STRBP: variants seen among roughly 807,000 people sequenced by gnomAD.
The protein encoded by STRBP is spermatid perinuclear RNA-binding protein.
STRBP carries 13 observed loss-of-function variants against 80.1 expected under a neutral mutation model. The ratio of observed to expected loss-of-function variants is 0.16; its 90% CI spans 0.11 to 0.26. STRBP has a LOEUF of 0.26. Ranked by LOEUF, STRBP falls within the 10% of genes least tolerant of loss-of-function variation. The pLI, the probability that STRBP is intolerant of heterozygous loss-of-function variation, is 1.00. For missense variants in STRBP, 485 were observed against 815.2 expected, an observed-to-expected ratio of 0.59 and a Z score of 4.93; for synonymous variants, 284 against 291.2, an observed-to-expected ratio of 0.98 and a Z score of 0.25.
chr9:123,149,852 T>G (rs1264167263), intron 11 of STRBP, among the ~76,000 whole-genome samples: 1 of 152,194 alleles, frequency 6.6e-6, no homozygotes, highest in Non-Finnish European at 1.5e-5. Flanking sequence ...CAAGAAATAT[T>G]AATTGACATT....
At chr9:123,150,726 G>C (rs1251850078) in intron 11 of STRBP, among the ~76,000 whole-genome samples, 1 of 152,102 alleles carries the variant, frequency 6.6e-6, no homozygotes, top group African/African-American at 2.4e-5. Context: ...ATGTCAACAG[G>C]CTCCCAGGTC....
At chr9:123,234,192 C>T (rs1389686402) in intron 2 of STRBP, among the ~76,000 whole-genome samples, 4 of 135,314 alleles carry the variant, frequency 3.0e-5, no homozygotes, top group Admixed American at 8.1e-5. Flanking sequence ...CAGAGCGAGA[C>T]GCCGTGTCAA....
At chr9:123,213,808 C>T (rs2039795386) in intron 2 of STRBP, 1 of 151,768 alleles carries the variant, frequency 6.6e-6, no homozygotes, top group African/African-American at 2.4e-5. Flanking sequence ...ACCTGTAGTC[C>T]CAGCTACTCA....
chr9:123,267,461 C>A (rs528487322), intron 1 of STRBP, among the ~76,000 whole-genome samples: 12 of 151,838 alleles, frequency 7.9e-5, no homozygotes, highest in African/African-American at 2.4e-4. Flanking sequence ...CTTCCCTGAG[C>A]ACCAGATACC....
chr9:123,216,117 C>T (rs757394170), intron 2 of STRBP, among the ~76,000 whole-genome samples: 1 of 152,146 alleles, frequency 6.6e-6, no homozygotes, highest in Non-Finnish European at 1.5e-5. Context: ...TAAGACAGTG[C>T]CTTCTCCCAC....
chr9:123,263,309 A>T (rs2041196387), intron 1 of STRBP, among the ~76,000 whole-genome samples: 1 of 152,080 alleles, frequency 6.6e-6, no homozygotes. Context: ...TTGAGCCCAG[A>T]AGTCCAAGAT....
At chr9:123,250,744 A>T (rs7870805) in intron 1 of STRBP, among the ~76,000 whole-genome samples, 2 of 152,086 alleles carry the variant, frequency 1.3e-5, no homozygotes, top group African/African-American at 4.8e-5. Flanking sequence ...GATTTTCAGC[A>T]AAAGGCTTTG....
chr9:123,146,569 A>G (rs1290818991), intron 13 of STRBP, among the ~76,000 whole-genome samples: 1 of 149,104 alleles, frequency 6.7e-6, no homozygotes, highest in African/African-American at 2.5e-5. Context: ...ATGATGGGAA[A>G]TAAACCAACA....
intron 1 of STRBP, among the ~76,000 whole-genome samples, chr9:123,240,096 T>C (rs1164131443): frequency 6.6e-6 from 1 of 152,266 alleles, no homozygotes; most frequent in Non-Finnish European, 1.5e-5. Context: ...GTCCTACTTA[T>C]TCTTCAAGTT....
At chr9:123,175,300 C>A (rs981098321) in intron 4 of STRBP, among the ~76,000 whole-genome samples, 2 of 152,176 alleles carry the variant, frequency 1.3e-5, no homozygotes, top group African/African-American at 4.8e-5. Context: ...AACTGAAAGT[C>A]TGACTTCAGC....
At chr9:123,203,365 A>C (rs1418285591) in intron 2 of STRBP, among the ~76,000 whole-genome samples, 1 of 151,962 alleles carries the variant, frequency 6.6e-6, no homozygotes, top group Non-Finnish European at 1.5e-5. Flanking sequence ...AAAAAAAAAA[A>C]GAATCTAAAT....
chr9:123,260,935 CAAA>C (rs1337597095), intron 1 of STRBP, among the ~76,000 whole-genome samples: 1 of 151,966 alleles, frequency 6.6e-6, no homozygotes, highest in African/African-American at 2.4e-5. Context: ...TGCTCACTTC[CAAA>C]AAAAGAAAAT....
intron 3 of STRBP, among the ~76,000 whole-genome samples, chr9:123,182,747 G>A (rs951560885): frequency 7.9e-5 from 12 of 152,180 alleles, no homozygotes; most frequent in Admixed American, 3.3e-4. Context: ...GGTGCCTCAC[G>A]CCTATAATCC....
chr9:123,218,531 G>A (rs1290317993), intron 2 of STRBP, among the ~76,000 whole-genome samples: 2 of 150,732 alleles, frequency 1.3e-5, no homozygotes, highest in East Asian at 3.9e-4. Context: ...CACCGCGCCC[G>A]GCTAATTTTT....
At chr9:123,170,131 T>C in intron 5 of STRBP, 85 bp from the exon 6 acceptor site, 1 of 1,333,098 alleles carries the variant, frequency 7.5e-7, no homozygotes, top group South Asian at 1.4e-5. Context: ...TACTAAGTTC[T>C]CGAATGTTAC....
At chr9:123,256,457 C>T (rs1212358140) in intron 1 of STRBP, among the ~76,000 whole-genome samples, 1 of 152,250 alleles carries the variant, frequency 6.6e-6, no homozygotes, top group South Asian at 2.1e-4. Flanking sequence ...TATAATAAAA[C>T]CAATTTATCA....
intron 1 of STRBP, among the ~76,000 whole-genome samples, chr9:123,263,599 G>C (rs1042597558): frequency 6.7e-6 from 1 of 150,362 alleles, no homozygotes; most frequent in African/African-American, 2.5e-5. Flanking sequence ...ACACCTGGAA[G>C]GCTCTTTACA....
intron 2 of STRBP, among the ~76,000 whole-genome samples, chr9:123,214,096 C>T (rs2039808167): frequency 6.7e-6 from 1 of 150,238 alleles, no homozygotes; most frequent in Non-Finnish European, 1.5e-5. Flanking sequence ...GCCCAAATGC[C>T]CATCAATCAA....
In STRBP at chr9:123,190,542, G is replaced by T. The variant is rs185943495; in HGVS notation, c.-164-6244C>A. On this transcript the variant is annotated intron_variant, in intron 2 of 18. Transcript: ENST00000348403. ...ATAGCTAATATAAAATCCTCACCTAGTTCCAAATTCCGGCTATTCCTCCTT... is the reference window on the plus strand; with the variant it reads ...ATAGCTAATATAAAATCCTCACCTATTTCCAAATTCCGGCTATTCCTCCTT... 2.0e-5 allele frequency among the ~76,000 whole-genome samples: 3 copies of T among 151,422 alleles called. No homozygotes were observed. In the East Asian group the frequency reaches 5.8e-4, roughly 29 times the overall value.
Sources: allele counts gnomAD v4.1 joint callset (sites outside exome capture counted in the v4.1 genomes callset), GRCh38; gene constraint gnomAD v4.1.1; transcripts MANE v1.5; gene names NCBI Gene and HGNC (gene_info 2026-07-23, HGNC 2026-07-21).